PTPRM: variants seen among roughly 807,000 people sequenced by gnomAD.
PTPRM encodes receptor-type tyrosine-protein phosphatase mu.
PTPRM carries 47 observed loss-of-function variants against 186.7 expected under a neutral mutation model. That is an observed-to-expected ratio of 0.25 (90% confidence interval 0.20 to 0.32). PTPRM has a LOEUF of 0.32. PTPRM is among the 10% of genes least tolerant of loss of function. The pLI, the probability that PTPRM is intolerant of heterozygous loss-of-function variation, is 1.00. For synonymous variants in PTPRM, 668 were observed against 674.9 expected, an observed-to-expected ratio of 0.99 and a Z score of 0.16; for missense variants, 1,494 against 1,865.0, an observed-to-expected ratio of 0.80 and a Z score of 3.66.
intron 1 of PTPRM, among the ~76,000 whole-genome samples, chr18:7,574,359 T>C (rs982851546): frequency 6.6e-6 from 1 of 152,246 alleles, no homozygotes; most frequent in African/African-American, 2.4e-5. Context: ...CATTGGAAAT[T>C]TCCCTGGGTT....
At chr18:8,311,978 TACA>T (rs1246615840) in intron 20 of PTPRM, among the ~76,000 whole-genome samples, 2 of 151,958 alleles carry the variant, frequency 1.3e-5, no homozygotes, top group East Asian at 3.9e-4. Context: ...GACGAGGGGG[TACA>T]ACAGATCTTC....
intron 7 of PTPRM, among the ~76,000 whole-genome samples, chr18:7,982,533 T>A (rs2082613346): frequency 6.6e-6 from 1 of 151,936 alleles, no homozygotes; most frequent in Non-Finnish European, 1.5e-5. Context: ...TTTTTTTTTT[T>A]AGTATAAGTA....
intron 1 of PTPRM, among the ~76,000 whole-genome samples, chr18:7,745,278 G>A (rs1312619668): frequency 6.6e-6 from 1 of 152,152 alleles, no homozygotes; most frequent in African/African-American, 2.4e-5. Flanking sequence ...TATCTGGCCA[G>A]CTATTTGAAG....
intron 1 of PTPRM, among the ~76,000 whole-genome samples, chr18:7,770,374 C>T (rs1400571453): frequency 6.6e-6 from 1 of 152,172 alleles, no homozygotes; most frequent in African/African-American, 2.4e-5. Context: ...TCTTCATCTT[C>T]TCATGAAGTG....
At chr18:7,763,517 C>T (rs776240513) in intron 1 of PTPRM, among the ~76,000 whole-genome samples, 4 of 152,130 alleles carry the variant, frequency 2.6e-5, no homozygotes, top group Admixed American at 1.3e-4. Flanking sequence ...GTAACTGATC[C>T]AGGACTCTCT....
chr18:8,067,863 T>G (rs1213216674), intron 7 of PTPRM, among the ~76,000 whole-genome samples: 1 of 152,210 alleles, frequency 6.6e-6, no homozygotes, highest in African/African-American at 2.4e-5. Context: ...GGGGAAGAAT[T>G]CCTCTCAGCA....
intron 1 of PTPRM, among the ~76,000 whole-genome samples, chr18:7,680,819 T>A (rs531490132): frequency 6.6e-6 from 1 of 152,338 alleles, no homozygotes; most frequent in African/African-American, 2.4e-5. Flanking sequence ...GCCATGCCCA[T>A]AAGGGGCTAA....
At chr18:8,157,213 C>CTTACATCA (rs1362829511) in intron 14 of PTPRM, among the ~76,000 whole-genome samples, 3 of 152,174 alleles carry the variant, frequency 2.0e-5, no homozygotes, top group African/African-American at 7.2e-5. Context: ...AATAATAGTT[C>CTTACATCA]TTACATCATA....
At chr18:8,296,500 T>C (rs2147880654) in intron 20 of PTPRM, 45 bp downstream of exon 20, 3 of 1,417,448 alleles carry the variant, frequency 2.1e-6, no homozygotes, top group Non-Finnish European at 3.0e-6. Flanking sequence ...ACTTCCTTTT[T>C]GCATCTAGTA....
At chr18:8,146,464 G>A (rs1453272417) in intron 14 of PTPRM, among the ~76,000 whole-genome samples, 1 of 150,594 alleles carries the variant, frequency 6.6e-6, no homozygotes, top group African/African-American at 2.4e-5. Context: ...TTTGAGAAGT[G>A]TCTGTTCATA....
intron 2 of PTPRM, among the ~76,000 whole-genome samples, chr18:7,800,231 G>T (rs137863450): frequency 6.6e-6 from 1 of 152,108 alleles, no homozygotes; most frequent in Non-Finnish European, 1.5e-5. Flanking sequence ...CTATTACAGC[G>T]CTGCCCAATG....
At chr18:7,712,754 G>A (rs767937806) in intron 1 of PTPRM, among the ~76,000 whole-genome samples, 6 of 151,794 alleles carry the variant, frequency 4.0e-5, no homozygotes, top group Non-Finnish European at 7.4e-5. Flanking sequence ...TCAATCAAGC[G>A]GAAGAACGGG....
At chr18:8,390,075 G>A (rs577435796) in intron 31 of PTPRM, among the ~76,000 whole-genome samples, 1 of 152,366 alleles carries the variant, frequency 6.6e-6, no homozygotes, top group East Asian at 1.9e-4. Context: ...TAGGTGCAAA[G>A]CTGATAGGAA....
At chr18:8,296,090 T>A (rs2095094108) in intron 19 of PTPRM, among the ~76,000 whole-genome samples, 1 of 152,224 alleles carries the variant, frequency 6.6e-6, no homozygotes, top group Non-Finnish European at 1.5e-5. Flanking sequence ...GGGATGAACA[T>A]GTGACCATTT....
At chr18:7,833,392 CT>C (rs946202690) in intron 2 of PTPRM, among the ~76,000 whole-genome samples, 1 of 152,040 alleles carries the variant, frequency 6.6e-6, no homozygotes, top group African/African-American at 2.4e-5. Flanking sequence ...AATGGGGTTA[CT>C]TTTTTATTTC....
chr18:7,792,594 G>C (rs547449051), intron 2 of PTPRM, among the ~76,000 whole-genome samples: 1 of 152,012 alleles, frequency 6.6e-6, no homozygotes, highest in Non-Finnish European at 1.5e-5. Flanking sequence ...TTTTTAAAAG[G>C]TCAATCACAA....
intron 1 of PTPRM, among the ~76,000 whole-genome samples, chr18:7,746,375 T>G (rs1224329555): frequency 6.6e-6 from 1 of 152,204 alleles, no homozygotes; most frequent in African/African-American, 2.4e-5. Flanking sequence ...CAATGTAGAA[T>G]TCTATATCTA....
chr18:7,772,365 T>C (rs919061816), intron 1 of PTPRM, among the ~76,000 whole-genome samples: 1 of 71,054 alleles, frequency 1.4e-5, no homozygotes, highest in Non-Finnish European at 3.1e-5. Context: ...CTTTCTTTCT[T>C]TCTTTCTTTC....
At chr18:7,773,875 C>T (rs752540579) in intron 1 of PTPRM, among the ~76,000 whole-genome samples, 7 of 152,150 alleles carry the variant, frequency 4.6e-5, no homozygotes, top group South Asian at 2.1e-4. Flanking sequence ...CCACCATGCC[C>T]GGCCAGATCT....
Sources: gnomAD v4.1 joint callset for allele counts (sites outside exome capture counted in the v4.1 genomes callset) on GRCh38, gnomAD v4.1.1 for gene constraint, MANE v1.5 for transcripts, NCBI Gene and HGNC (gene_info 2026-07-23, HGNC 2026-07-21) for gene names.